Variants in PIK3C2G observed in about 807,000 individuals in gnomAD.
PIK3C2G encodes phosphatidylinositol 3-kinase C2 domain-containing subunit gamma.
Under a neutral mutation model 181.1 loss-of-function variants are expected in PIK3C2G, and 168 were observed. The observed-to-expected ratio is 0.93, with a 90% CI of 0.82 to 1.05. The LOEUF is 1.05. PIK3C2G is among the 50% of genes least tolerant of loss of function. The pLI, the probability that PIK3C2G is intolerant of heterozygous loss-of-function variation, is 0.00. For missense variants in PIK3C2G, 1,869 were observed against 1,732.8 expected (o/e 1.08, Z -1.40); for synonymous variants, 573 against 592.2 (o/e 0.97, Z 0.47).
chr12:18,262,666 G>C (rs1948301130), intron 1 of PIK3C2G, among the ~76,000 whole-genome samples: 2 of 150,942 alleles, frequency 1.3e-5, no homozygotes, highest in Non-Finnish European at 1.5e-5. Flanking sequence ...GTTCATAGTA[G>C]GTGAGTCTTC....
At chr12:18,340,922 G>C (rs998123822) in intron 9 of PIK3C2G, among the ~76,000 whole-genome samples, 1 of 152,016 alleles carries the variant, frequency 6.6e-6, no homozygotes, top group Admixed American at 6.6e-5. Context: ...GCACCAGGAA[G>C]GTTGGCCCTT....
chr12:18,638,250 G>T (rs905285404), intron 31 of PIK3C2G, among the ~76,000 whole-genome samples: 1 of 152,120 alleles, frequency 6.6e-6, no homozygotes, highest in South Asian at 2.1e-4. Context: ...AAATTGTCTT[G>T]CATAGCAGCT....
chr12:18,664,071 C>T, the PIK3C2G span, among the ~76,000 whole-genome samples: 3 of 152,086 alleles, frequency 2.0e-5, no homozygotes, highest in Non-Finnish European at 4.4e-5. Flanking sequence ...ATTAGGATGG[C>T]TACTATCAAA....
rs1294185666 is a variant in PIK3C2G, at chr12:18,563,331, G to T, written c.3781-46G>T. On this transcript the variant is annotated intron_variant, in intron 27 of 32. Transcript: ENST00000538779. The stretch of plus-strand genomic sequence containing the variant: ...AAATCGGGTTTTAGAGTGTATCACA[G>T]GCTGATATTGCCATCTTTTGATTTC... 3.2e-6 allele frequency: 5 copies of T among 1,559,428 alleles called. No homozygotes were observed. In the East Asian group the frequency reaches 1.2e-4, roughly 36 times the overall value.
intron 18 of PIK3C2G, among the ~76,000 whole-genome samples, chr12:18,446,802 G>A (rs548724481): frequency 6.6e-6 from 1 of 152,214 alleles, no homozygotes; most frequent in East Asian, 1.9e-4. Context: ...TATTCAAAAT[G>A]AAGGGCACTC....
At chr12:18,606,449 T>C (rs563217386) in intron 30 of PIK3C2G, among the ~76,000 whole-genome samples, 2 of 152,250 alleles carry the variant, frequency 1.3e-5, no homozygotes, top group Non-Finnish European at 2.9e-5. Context: ...TCTCATAGTA[T>C]CTCTGTGTTA....
At chr12:18,718,819 C>T in the PIK3C2G span, among the ~76,000 whole-genome samples, 4 of 152,266 alleles carry the variant, frequency 2.6e-5, no homozygotes, top group African/African-American at 7.2e-5. Context: ...AATGTAGCAG[C>T]TTTGAAAATC....
At chr12:18,622,022 C>G (rs988913429) in intron 31 of PIK3C2G, among the ~76,000 whole-genome samples, 5 of 151,780 alleles carry the variant, frequency 3.3e-5, no homozygotes, top group African/African-American at 4.8e-5. Context: ...TTAAATTAAG[C>G]TAATTAACAT....
intron 18 of PIK3C2G, among the ~76,000 whole-genome samples, chr12:18,474,377 A>G (rs1938762140): frequency 6.6e-6 from 1 of 152,122 alleles, no homozygotes; most frequent in Non-Finnish European, 1.5e-5. Context: ...AGTCCAAGAA[A>G]CAGAAACGGA....
At chr12:18,340,853 G>A (rs948905263) in intron 9 of PIK3C2G, among the ~76,000 whole-genome samples, 1 of 152,086 alleles carries the variant, frequency 6.6e-6, no homozygotes, top group Admixed American at 6.6e-5. Context: ...GGATGGTGCT[G>A]GTGCTAGTTC....
intron 24 of PIK3C2G, among the ~76,000 whole-genome samples, chr12:18,529,231 G>A (rs1943412676): frequency 6.6e-6 from 1 of 152,048 alleles, no homozygotes; most frequent in Admixed American, 6.6e-5. Context: ...TGCACTGCAA[G>A]AGGCATGCAA....
upstream of PIK3C2G, among the ~76,000 whole-genome samples, chr12:18,243,251 T>C (rs1284209151): frequency 6.6e-6 from 1 of 151,650 alleles, no homozygotes; most frequent in Admixed American, 6.6e-5. Flanking sequence ...ATAATTTTCC[T>C]AGATAACAAA....
intron 14 of PIK3C2G, among the ~76,000 whole-genome samples, chr12:18,388,472 A>T (rs1462632211): frequency 6.6e-6 from 1 of 152,068 alleles, no homozygotes; most frequent in African/African-American, 2.4e-5. Flanking sequence ...ACACGGTTTC[A>T]CCATGTTGGC....
intron 14 of PIK3C2G, among the ~76,000 whole-genome samples, chr12:18,388,909 C>A (rs925069495): frequency 1.3e-5 from 2 of 151,978 alleles, no homozygotes; most frequent in African/African-American, 2.4e-5. Context: ...TCTATCCCCC[C>A]CAAAAAAACA....
chr12:18,368,241 T>C (rs1941781420), intron 12 of PIK3C2G, among the ~76,000 whole-genome samples: 1 of 152,184 alleles, frequency 6.6e-6, no homozygotes, highest in Middle Eastern at 3.2e-3. Context: ...AAATGCACAA[T>C]GGCTGATACA....
intron 1 of PIK3C2G, among the ~76,000 whole-genome samples, chr12:18,261,809 CTT>C (rs1239271838): frequency 6.6e-6 from 1 of 151,982 alleles, no homozygotes; most frequent in East Asian, 1.9e-4. Flanking sequence ...TAAACTTATT[CTT>C]TCTCTCTTTC....
At chr12:18,658,730 C>A in the PIK3C2G span, among the ~76,000 whole-genome samples, 2 of 152,028 alleles carry the variant, frequency 1.3e-5, no homozygotes, top group African/African-American at 4.8e-5. Context: ...CATATAAATT[C>A]TTTTAGAAGG....
intron 18 of PIK3C2G, among the ~76,000 whole-genome samples, chr12:18,480,493 T>C (rs1939449138): frequency 6.6e-6 from 1 of 152,124 alleles, no homozygotes; most frequent in Non-Finnish European, 1.5e-5. Flanking sequence ...AGGAGTTTTA[T>C]GTATTTACAT....
intron 24 of PIK3C2G, among the ~76,000 whole-genome samples, chr12:18,508,594 C>T (rs773021373): frequency 2.0e-5 from 3 of 152,056 alleles, no homozygotes; most frequent in Non-Finnish European, 4.4e-5. Context: ...GAAACCTAGC[C>T]CACACCTAGT....
Sources: allele counts gnomAD v4.1 joint callset (sites outside exome capture counted in the v4.1 genomes callset), GRCh38; gene constraint gnomAD v4.1.1; transcripts MANE v1.5; gene names NCBI Gene and HGNC (gene_info 2026-07-23, HGNC 2026-07-21).